The following PTPRG variants were observed in gnomAD, a reference collection of about 807,000 sequenced individuals.
PTPRG encodes the protein protein tyrosine phosphatase receptor type G.
PTPRG carries 102 observed loss-of-function variants against 165.3 expected under a neutral mutation model. The ratio of observed to expected loss-of-function variants is 0.62; its 90% CI spans 0.53 to 0.73. PTPRG has a LOEUF of 0.73. Ranked by LOEUF, PTPRG falls within the 30% of genes least tolerant of loss-of-function variation. The pLI is 0.00. For missense variants in PTPRG, 1,866 were observed against 1,861.4 expected (o/e 1.00, Z -0.05); for synonymous variants, 675 against 669.5 (o/e 1.01, Z -0.13).
intron 1 of PTPRG, among the ~76,000 whole-genome samples, chr3:61,740,210 G>A (rs1352941914): frequency 6.6e-6 from 1 of 152,124 alleles, no homozygotes; most frequent in Non-Finnish European, 1.5e-5. Context: ...TCATTTTCCT[G>A]GTAATATTAT....
chr3:62,293,997 T>TAAC lies in PTPRG; in HGVS notation c.*691_*693dup, dbSNP rs1263807133. ...TTTAAAAATGTGTCAAAATAAAGGA[T>TAAC]AACTCTGTATTACAGCTTTCACAGT... is the stretch of plus-strand genomic sequence containing the variant. On this transcript the variant is annotated 3_prime_UTR_variant, in exon 30 of 30. Transcript: ENST00000474889. 1 of 152,592 alleles carries TAAC rather than the reference T, an allele frequency of 6.6e-6. No individual in the cohort carries two copies. Among genetic ancestry groups the TAAC allele is most frequent in the Non-Finnish European group, 1.5e-5 (1 of 68,018 alleles). 9.5% of individuals were successfully genotyped at this position (152,592 alleles called of 1,614,324 possible).
intron 1 of PTPRG, among the ~76,000 whole-genome samples, chr3:61,610,552 C>T (rs1222613931): frequency 6.6e-6 from 1 of 152,148 alleles, no homozygotes; most frequent in Non-Finnish European, 1.5e-5. Context: ...TGTTTGCCTA[C>T]ATAGATTTGG....
intron 1 of PTPRG, among the ~76,000 whole-genome samples, chr3:61,719,722 G>A (rs2031969267): frequency 6.6e-6 from 1 of 152,192 alleles, no homozygotes; most frequent in Non-Finnish European, 1.5e-5. Context: ...ATGTGTGGTT[G>A]GGGTTTGGAA....
Position 62,284,104 on chromosome 3 carries a change from CTT to C in PTPRG, c.4055+1236_4055+1237del, listed in dbSNP as rs1001624796. Among the ~76,000 whole-genome samples, 35 of 151,930 alleles carry C rather than the reference CTT, an allele frequency of 2.3e-4. 1 individual carries two copies. The highest frequency in any genetic ancestry group is 2.0e-3 in the Admixed American group (31 of 15,258). On this transcript the variant is annotated intron_variant, in intron 28 of 29. Coordinates refer to ENST00000474889, the MANE Select transcript of PTPRG (RefSeq NM_002841.4). ...TGGGTTTTACCAGCTCTTATCATCT[CTT>C]GTCATCAAATTCTAACGTTACTGCC...
chr3:61,738,310 A>ATGTGTATATATATATG (rs1559583400), intron 1 of PTPRG, among the ~76,000 whole-genome samples: 2 of 45,498 alleles, frequency 4.4e-5, no homozygotes, highest in Non-Finnish European at 1.0e-4. Flanking sequence ...ATATATATAT[A>ATGTGTATATATATATG]TACATATATA....
chr3:61,702,563 C>G (rs1328227652), intron 1 of PTPRG, among the ~76,000 whole-genome samples: 1 of 152,192 alleles, frequency 6.6e-6, no homozygotes, highest in Admixed American at 6.5e-5. Context: ...TTGTACAAAT[C>G]TGAAGTATGT....
At chr3:62,225,216 C>G (rs1363713649) in intron 13 of PTPRG, among the ~76,000 whole-genome samples, 4 of 152,156 alleles carry the variant, frequency 2.6e-5, no homozygotes, top group Non-Finnish European at 5.9e-5. Flanking sequence ...GCTTCGCATC[C>G]CCTGCCTTAC....
At chr3:62,126,698 A>C (rs1342129656) in intron 5 of PTPRG, among the ~76,000 whole-genome samples, 5 of 152,228 alleles carry the variant, frequency 3.3e-5, no homozygotes, top group Non-Finnish European at 7.3e-5. Flanking sequence ...TAGTAGTTGC[A>C]TTTAAAGCAA....
chr3:61,920,998 G>C (rs2039063776), intron 2 of PTPRG, among the ~76,000 whole-genome samples: 1 of 151,970 alleles, frequency 6.6e-6, no homozygotes. Context: ...AGAAATCTTG[G>C]CTTATAATAG....
chr3:61,872,281 G>A (rs1436427221), intron 2 of PTPRG, among the ~76,000 whole-genome samples: 1 of 152,140 alleles, frequency 6.6e-6, no homozygotes, highest in Non-Finnish European at 1.5e-5. Flanking sequence ...GCTGAGGCAG[G>A]GGATCACTTG....
chr3:61,759,458 C>T (rs1330126277), intron 2 of PTPRG, among the ~76,000 whole-genome samples: 2 of 151,762 alleles, frequency 1.3e-5, no homozygotes, highest in African/African-American at 4.8e-5. Flanking sequence ...AGTTCGAGAC[C>T]AGCTTGGGAA....
chr3:62,056,712 T>TG (rs1700647306), intron 4 of PTPRG, among the ~76,000 whole-genome samples: 1 of 152,198 alleles, frequency 6.6e-6, no homozygotes, highest in Admixed American at 6.5e-5. Flanking sequence ...AAATGTCCCC[T>TG]GGGGTAATTA....
At chr3:61,818,563 C>T (rs2035858821) in intron 2 of PTPRG, among the ~76,000 whole-genome samples, 1 of 152,024 alleles carries the variant, frequency 6.6e-6, no homozygotes, top group Non-Finnish European at 1.5e-5. Flanking sequence ...CTTTGAGAGG[C>T]TGAAGTGGGA....
At chr3:61,601,123 G>A (rs1700854855) in intron 1 of PTPRG, among the ~76,000 whole-genome samples, 1 of 152,150 alleles carries the variant, frequency 6.6e-6, no homozygotes, top group Non-Finnish European at 1.5e-5. Context: ...AGACGTGATG[G>A]CACACGCCTG....
intron 1 of PTPRG, among the ~76,000 whole-genome samples, chr3:61,623,159 C>T (rs982308910): frequency 2.6e-5 from 4 of 152,038 alleles, no homozygotes; most frequent in African/African-American, 4.8e-5. Flanking sequence ...GATTTTTTTG[C>T]TCAGGGTCTA....
chr3:62,170,365 G>C (rs566628822), intron 8 of PTPRG, among the ~76,000 whole-genome samples: 9 of 152,076 alleles, frequency 5.9e-5, no homozygotes, highest in African/African-American at 1.9e-4. Context: ...ATGTGGATTG[G>C]GGGGGTGAGG....
intron 2 of PTPRG, among the ~76,000 whole-genome samples, chr3:61,758,750 A>C (rs781320776): frequency 7.9e-5 from 12 of 151,560 alleles, no homozygotes; most frequent in Non-Finnish European, 1.3e-4. Context: ...TGAAATTATC[A>C]ATTTGAGTTG....
At chr3:61,614,817 A>G (rs923851446) in intron 1 of PTPRG, among the ~76,000 whole-genome samples, 5 of 152,200 alleles carry the variant, frequency 3.3e-5, no homozygotes, top group Non-Finnish European at 5.9e-5. Context: ...GTAGCACTGT[A>G]TAGATTGTGG....
rs1282262411 is a variant in PTPRG, at chr3:62,125,715, A to G, written c.616-6887A>G. Among the ~76,000 whole-genome samples the G allele has an allele frequency of 3.3e-5, 5 of 149,348 alleles. No homozygotes were observed. The East Asian group carries it at 9.8e-4, about 29-fold the overall frequency. The stretch of plus-strand genomic sequence containing the variant: ...TTTTTTTTTAAATTCAAACGTCATG[A>G]CAATATCTGTGTGAAACAGTTTGCA... On this transcript the variant is annotated intron_variant, in intron 5 of 29. Transcript: ENST00000474889.
Sources: gnomAD v4.1 joint callset for allele counts (sites outside exome capture counted in the v4.1 genomes callset) on GRCh38, gnomAD v4.1.1 for gene constraint, MANE v1.5 for transcripts, NCBI Gene and HGNC (gene_info 2026-07-23, HGNC 2026-07-21) for gene names.